The following MOV10L1 variants were observed in gnomAD, a reference collection of about 807,000 sequenced individuals.
MOV10L1 encodes Mov10 like RNA helicase 1.
In MOV10L1, 110 loss-of-function variants were observed where a neutral mutation model predicts 143.8. That is an observed-to-expected ratio of 0.76 (90% CI 0.66 to 0.90). The LOEUF is 0.90. MOV10L1 is among the 40% of genes least tolerant of loss of function. MOV10L1 has a pLI of 0.00. For synonymous variants in MOV10L1, 593 were observed against 581.1 expected (o/e 1.02, Z -0.29); for missense variants, 1,406 against 1,526.8 (o/e 0.92, Z 1.32).
rs1189604246 is a variant in MOV10L1, at chr22:50,158,174, G to A, written c.3184G>A (p.Asp1062Asn). ...HSISSQVSAS[D>N]IGVITPYRKQ... ...CATCTCCAGTCAGGTGTCTGCCAGC[G>A]ACATTGGCGTCATCACGCCCTACCG... Residue 1062 changes from aspartate (D) to asparagine (N), a missense_variant, in exon 23 of 27, where the codon GAC becomes AAC. Coordinates refer to ENST00000262794, the MANE Select transcript of MOV10L1 (RefSeq NM_018995.3). This position sits in a 1 kb window ranked among gnomAD's most constrained non-coding sequence, Gnocchi z 5.0. 11 of 1,614,030 alleles carry A rather than the reference G, an allele frequency of 6.8e-6. No individual in the cohort carries two copies. In the African/African-American group the frequency reaches 9.3e-5, roughly 14 times the overall value.
chr22:50,122,762 C>G (rs2062384473), intron 10 of MOV10L1, among the ~76,000 whole-genome samples: 1 of 149,088 alleles, frequency 6.7e-6, no homozygotes, highest in Non-Finnish European at 1.5e-5. Flanking sequence ...TCTTCTTTTC[C>G]TTTTTCTCTT....
intron 9 of MOV10L1, 52 bp from the exon 10 acceptor site, chr22:50,120,450 T>C: frequency 8.8e-7 from 1 of 1,137,336 alleles, no homozygotes; most frequent in Non-Finnish European, 1.3e-6. Flanking sequence ...GAATGTCTAG[T>C]GATACCTGGT....
Position 50,145,688 on chromosome 22 carries a change from G to T in MOV10L1, c.2506-1G>T. On this transcript the variant is annotated splice_acceptor_variant, in intron 18 of 26. Coordinates refer to ENST00000262794, the MANE Select transcript of MOV10L1 (RefSeq NM_018995.3). LOFTEE classifies it high-confidence loss of function. Reference sequence around the variant, plus strand: ...CTAACTCTACGCCTCCTTGCCCCCAGATAGTTATTGACGCCGTCAAACCGT... The same window carrying T: ...CTAACTCTACGCCTCCTTGCCCCCATATAGTTATTGACGCCGTCAAACCGT... 1 of 1,614,074 alleles carries T rather than the reference G, an allele frequency of 6.2e-7. No homozygotes were observed. Among genetic ancestry groups the T allele is most frequent in the Non-Finnish European group, 8.5e-7 (1 of 1,180,000 alleles).
intron 1 of MOV10L1, chr22:50,090,753 C>G (rs1477489020): frequency 4.1e-6 from 2 of 491,392 alleles, no homozygotes; most frequent in African/African-American, 4.0e-5. Context: ...CTCGGCTCAC[C>G]GCAACCTCCG....
chr22:50,096,894 G>T (rs532813898), intron 2 of MOV10L1, among the ~76,000 whole-genome samples: 3 of 152,202 alleles, frequency 2.0e-5, no homozygotes, highest in African/African-American at 7.2e-5. Context: ...TACATGATTT[G>T]CAAATACTTT....
chr22:50,109,556 G>A (rs9617075), intron 5 of MOV10L1: 34,222 of 152,412 alleles, frequency 0.22, 4,199 homozygotes, highest in Admixed American at 0.35. Context: ...CTGTAGTCCC[G>A]GCTGCTTGGG....
At chr22:50,149,767 G>T in intron 20 of MOV10L1, 53 bp downstream of exon 20, 1 of 1,519,296 alleles carries the variant, frequency 6.6e-7, no homozygotes, top group East Asian at 2.3e-5. Flanking sequence ...TTCTCCTGAG[G>T]GGATGCAGGC....
intron 15 of MOV10L1, among the ~76,000 whole-genome samples, chr22:50,139,694 T>G (rs1165884691): frequency 6.6e-6 from 1 of 152,238 alleles, no homozygotes; most frequent in Non-Finnish European, 1.5e-5. Context: ...CTCAATTTTT[T>G]ATAATGGATC....
chr22:50,125,576 T>C lies in MOV10L1; in HGVS notation c.1747+7T>C. The stretch of plus-strand genomic sequence containing the variant: ...AGGCCTTCTCTCTACGCAGGTGTGT[T>C]TGTTACTCATATGCTTCCCTGGGTG... On this transcript the variant is annotated splice_region_variant and intron_variant, in intron 11 of 26. Transcript: ENST00000262794. 1 of 1,613,224 alleles carries C rather than the reference T, an allele frequency of 6.2e-7. No individual in the cohort carries two copies. The highest frequency in any genetic ancestry group is 8.5e-7 in the Non-Finnish European group (1 of 1,179,574).
chr22:50,093,950 C>T (rs2062521256), intron 2 of MOV10L1: 1 of 152,218 alleles, frequency 6.6e-6, no homozygotes, highest in East Asian at 1.9e-4. Flanking sequence ...TTGGAAAATT[C>T]CTTAATCATG....
At chr22:50,146,092 G>A (rs1161912486) in intron 19 of MOV10L1, among the ~76,000 whole-genome samples, 1 of 152,160 alleles carries the variant, frequency 6.6e-6, no homozygotes, top group Non-Finnish European at 1.5e-5. Flanking sequence ...CCCCAAAGGA[G>A]ACTGTAGAGC....
At chr22:50,127,744 C>T (rs2062551496) in intron 12 of MOV10L1, among the ~76,000 whole-genome samples, 1 of 151,820 alleles carries the variant, frequency 6.6e-6, no homozygotes, top group South Asian at 2.1e-4. Flanking sequence ...GGCTTTTCTA[C>T]TAAAAGGATA....
intron 2 of MOV10L1, among the ~76,000 whole-genome samples, chr22:50,098,782 A>G (rs1182623317): frequency 6.6e-6 from 1 of 152,160 alleles, no homozygotes; most frequent in African/African-American, 2.4e-5. Flanking sequence ...GCCTTTCACC[A>G]TTGAGTGTGG....
chr22:50,131,830 G>A (rs933134502), intron 13 of MOV10L1, among the ~76,000 whole-genome samples: 1 of 152,088 alleles, frequency 6.6e-6, no homozygotes, highest in Non-Finnish European at 1.5e-5. Flanking sequence ...AACATTACAG[G>A]GTCTTATTGT....
intron 8 of MOV10L1, among the ~76,000 whole-genome samples, chr22:50,115,611 G>A (rs893414873): frequency 3.3e-5 from 5 of 152,166 alleles, no homozygotes; most frequent in African/African-American, 1.2e-4. Context: ...AAAAAGCATT[G>A]GTCTAGAAGC....
chr22:50,101,351 G>T (rs990059555), intron 3 of MOV10L1, among the ~76,000 whole-genome samples: 2 of 152,118 alleles, frequency 1.3e-5, no homozygotes, highest in Non-Finnish European at 2.9e-5. Flanking sequence ...GAATAGCTGG[G>T]ACTACAGGTG....
rs548795632 is a variant in MOV10L1, at chr22:50,137,695, ACT to A, written c.2070+3068_2070+3069del. ...GCTCCAGCCTGGGCGACAGAGCAAG[ACT>A]CTGTCTCAAAAAATACATATGTATA... is the stretch of plus-strand genomic sequence containing the variant. On this transcript the variant is annotated intron_variant, in intron 15 of 26. Coordinates refer to ENST00000262794, the MANE Select transcript of MOV10L1 (RefSeq NM_018995.3). Among the ~76,000 whole-genome samples the A allele has an allele frequency of 6.5e-3, 984 of 150,322 alleles. 9 individuals are homozygous for A. Among genetic ancestry groups the A allele is most frequent in the African/African-American group, 0.023 (930 of 40,888 alleles).
chr22:50,114,952 C>T (rs1483172722), intron 7 of MOV10L1, among the ~76,000 whole-genome samples, 162 bp from the exon 8 acceptor site: 1 of 152,236 alleles, frequency 6.6e-6, no homozygotes, highest in Non-Finnish European at 1.5e-5. Flanking sequence ...GCTGCTCTCT[C>T]TCTTTATGTT....
Position 50,152,100 on chromosome 22 carries a change from A to T in MOV10L1, c.2893-945A>T, listed in dbSNP as rs757492508. Among the ~76,000 whole-genome samples, 3 of 152,188 alleles carry T rather than the reference A, an allele frequency of 2.0e-5. No homozygotes were observed. Among genetic ancestry groups the T allele is most frequent in the African/African-American group, 7.2e-5 (3 of 41,460 alleles). ...CAGAGTCGGGAGGACTCACGGGGCC[A>T]ATCATGGCGTTCTCGTGCCAGTGTC... On this transcript the variant is annotated intron_variant, in intron 21 of 26. Coordinates refer to ENST00000262794, the MANE Select transcript of MOV10L1 (RefSeq NM_018995.3). The surrounding 1 kb of genome is among the most constrained non-coding windows in gnomAD (Gnocchi z 4.4).
Sources: gnomAD v4.1 joint callset for allele counts (sites outside exome capture counted in the v4.1 genomes callset) on GRCh38, gnomAD v4.1.1 for gene constraint, Gnocchi (gnomAD v3.1) non-coding constraint, MANE v1.5 for transcripts, NCBI Gene and HGNC (gene_info 2026-07-23, HGNC 2026-07-21) for gene names.